The following FGF13 variants were observed in gnomAD, a reference collection of about 807,000 sequenced individuals.
FGF13 encodes the protein fibroblast growth factor 13.
A neutral mutation model predicts 19.5 loss-of-function variants in FGF13; 2 were observed. The ratio of observed to expected loss-of-function variants is 0.10; its 90% CI spans 0.04 to 0.32. The LOEUF (loss-of-function observed/expected upper bound fraction) is 0.32. FGF13 is among the 10% of genes least tolerant of loss of function. The pLI is 1.00. For synonymous variants in FGF13, 72 were observed against 76.9 expected (o/e 0.94, Z 0.33); for missense variants, 113 against 192.7 (o/e 0.59, Z 2.45).
chrX:138,874,198 AC>A (rs1303696149), intron 1 of FGF13, among the ~76,000 whole-genome samples: 8 of 103,804 alleles, frequency 7.7e-5, no homozygotes, highest in African/African-American at 2.2e-4. Flanking sequence ...AAAAAAAAAA[AC>A]CATTTCCCAA....
chrX:138,960,389 C>A (rs1036777416), intron 1 of FGF13, among the ~76,000 whole-genome samples: 46 of 112,069 alleles, frequency 4.1e-4, no homozygotes, highest in Middle Eastern at 4.6e-3. Context: ...CTGAGAGACC[C>A]GCTGTTAGTC....
At chrX:138,981,183 T>C (rs954455556) in intron 1 of FGF13, among the ~76,000 whole-genome samples, 18 of 110,924 alleles carry the variant, frequency 1.6e-4, no homozygotes, top group African/African-American at 4.9e-4. Flanking sequence ...GTAGTGCTTG[T>C]GATAAGACTG....
At chrX:139,162,033 A>G (rs1011071265) in intron 1 of FGF13, among the ~76,000 whole-genome samples, 2 of 112,080 alleles carry the variant, frequency 1.8e-5, no homozygotes, top group African/African-American at 6.5e-5. Flanking sequence ...TCTTCACACA[A>G]TTAGAAAAAA....
intron 1 of FGF13, among the ~76,000 whole-genome samples, chrX:139,034,349 A>C (rs1346529794): frequency 9.0e-6 from 1 of 111,588 alleles, no homozygotes; most frequent in Non-Finnish European, 1.9e-5. Context: ...AAAACATAGA[A>C]AGAATGAAGG....
intron 1 of FGF13, among the ~76,000 whole-genome samples, chrX:138,884,665 C>T (rs765284023): frequency 4.5e-5 from 5 of 111,638 alleles, no homozygotes; most frequent in Admixed American, 9.6e-5. Flanking sequence ...AATTAAATGA[C>T]GTAAAGACAA....
chrX:138,690,633 G>A (rs1177468283), intron 3 of FGF13, among the ~76,000 whole-genome samples: 1 of 110,549 alleles, frequency 9.0e-6, no homozygotes, highest in Non-Finnish European at 1.9e-5. Context: ...CCTCCTCATG[G>A]CATAGAAGCA....
intron 3 of FGF13, among the ~76,000 whole-genome samples, chrX:138,745,842 A>C (rs991166639): frequency 1.8e-5 from 2 of 111,703 alleles, no homozygotes; most frequent in Non-Finnish European, 3.8e-5. Flanking sequence ...AGATACCTGC[A>C]GAAGGCAATC....
At chrX:139,158,575 G>A (rs781701534) in intron 1 of FGF13, among the ~76,000 whole-genome samples, 3 of 111,179 alleles carry the variant, frequency 2.7e-5, no homozygotes, top group Non-Finnish European at 3.8e-5. Context: ...TCTGGGCAGG[G>A]CATCTCTGAA....
At chrX:139,156,605 C>G (rs1278204363) in intron 1 of FGF13, among the ~76,000 whole-genome samples, 1 of 112,479 alleles carries the variant, frequency 8.9e-6, no homozygotes, top group East Asian at 2.8e-4. Context: ...TTAAAGCCCA[C>G]AGGCTTAAGT....
chrX:139,025,955 A>G (rs1482615836), intron 1 of FGF13, among the ~76,000 whole-genome samples: 1 of 110,939 alleles, frequency 9.0e-6, no homozygotes, highest in Non-Finnish European at 1.9e-5. Context: ...CCTCCTTTGC[A>G]TCCACAACAA....
intron 3 of FGF13, among the ~76,000 whole-genome samples, chrX:138,848,643 G>C (rs1203820424): frequency 9.0e-6 from 1 of 111,507 alleles, no homozygotes; most frequent in Admixed American, 9.6e-5. Flanking sequence ...TGAAATGCTT[G>C]GGACCAGAAG....
intron 1 of FGF13, among the ~76,000 whole-genome samples, chrX:139,082,217 C>A (rs1404941420): frequency 9.0e-6 from 1 of 111,322 alleles, no homozygotes; most frequent in African/African-American, 3.3e-5. Flanking sequence ...GTCTAGAGTG[C>A]TGTTCCCTCA....
intron 1 of FGF13, among the ~76,000 whole-genome samples, chrX:138,972,767 G>A (rs1468462802): frequency 9.0e-6 from 1 of 111,367 alleles, no homozygotes; most frequent in Non-Finnish European, 1.9e-5. Context: ...TAGCGATATC[G>A]AGCATTTTTT....
chrX:139,032,185 G>GT (rs981933157), intron 1 of FGF13, among the ~76,000 whole-genome samples: 82 of 111,755 alleles, frequency 7.3e-4, no homozygotes, highest in African/African-American at 2.6e-3. Flanking sequence ...CCCACTAATT[G>GT]TTTTGGCCAC....
At chrX:138,840,933 T>C (rs1162357669) in intron 3 of FGF13, among the ~76,000 whole-genome samples, 1 of 111,256 alleles carries the variant, frequency 9.0e-6, no homozygotes, top group Non-Finnish European at 1.9e-5. Context: ...AAGTCAAGAT[T>C]TGAGGCACTA....
At chrX:138,833,513 C>G (rs2091089538) in intron 3 of FGF13, among the ~76,000 whole-genome samples, 1 of 111,780 alleles carries the variant, frequency 8.9e-6, no homozygotes, top group Non-Finnish European at 1.9e-5. Context: ...GATTTTGTAT[C>G]CTGAGACTTT....
At chrX:138,790,747 C>G (rs1302775437) in intron 3 of FGF13, among the ~76,000 whole-genome samples, 1 of 112,495 alleles carries the variant, frequency 8.9e-6, no homozygotes, top group Non-Finnish European at 1.9e-5. Context: ...TCACCTGACT[C>G]TCTAAGACAT....
chrX:139,104,786 C>A (rs1440433525), intron 1 of FGF13, among the ~76,000 whole-genome samples: 2 of 110,467 alleles, frequency 1.8e-5, no homozygotes, highest in Non-Finnish European at 3.8e-5. Flanking sequence ...CCTATAAGGG[C>A]ACTTAATCCC....
At chrX:138,820,986 T>C (rs767838650) in intron 3 of FGF13, among the ~76,000 whole-genome samples, 2 of 111,472 alleles carry the variant, frequency 1.8e-5, no homozygotes, top group African/African-American at 3.3e-5. Flanking sequence ...AAATTGGGCA[T>C]TGCATTTCAC....
Sources: gnomAD v4.1 joint callset for allele counts (sites outside exome capture counted in the v4.1 genomes callset) on GRCh38, gnomAD v4.1.1 for gene constraint, MANE v1.5 for transcripts, NCBI Gene and HGNC (gene_info 2026-07-23, HGNC 2026-07-21) for gene names.